Variants in DAB1 observed in about 807,000 individuals in gnomAD.
The protein encoded by DAB1 is disabled homolog 1.
A neutral mutation model predicts 64.6 loss-of-function variants in DAB1; 15 were observed. The ratio of observed to expected loss-of-function variants is 0.23; its 90% CI spans 0.16 to 0.36. The LOEUF (loss-of-function observed/expected upper bound fraction) is 0.36, where lower values mean the gene tolerates loss of function less well. Ranked by LOEUF, DAB1 falls within the 10% of genes least tolerant of loss-of-function variation. The pLI is 1.00. For synonymous variants in DAB1, 235 were observed against 251.9 expected, an observed-to-expected ratio of 0.93 and a Z score of 0.64; for missense variants, 596 against 706.7, an observed-to-expected ratio of 0.84 and a Z score of 1.78.
chr1:57,627,829 G>A (rs901850195), intron 7 of DAB1, among the ~76,000 whole-genome samples: 3 of 152,170 alleles, frequency 2.0e-5, no homozygotes, highest in African/African-American at 4.8e-5. Flanking sequence ...ATTACTGAGG[G>A]TGGGGTGGGC....
chr1:58,043,309 C>G (rs1236474564), intron 5 of DAB1, among the ~76,000 whole-genome samples: 1 of 152,160 alleles, frequency 6.6e-6, no homozygotes, highest in Admixed American at 6.5e-5. Context: ...AATATAATTT[C>G]ATATTAGAAA....
intron 7 of DAB1, among the ~76,000 whole-genome samples, chr1:57,437,035 CAAAA>C (rs66682648): frequency 2.8e-5 from 3 of 108,872 alleles, no homozygotes; most frequent in Non-Finnish European, 3.5e-5. Context: ...GACTCCGTCT[CAAAA>C]AAAAAAAAAA....
chr1:58,484,918 A>G (rs1645548446), intron 3 of DAB1, among the ~76,000 whole-genome samples: 1 of 152,110 alleles, frequency 6.6e-6, no homozygotes, highest in Admixed American at 6.6e-5. Context: ...AGGAATGAGT[A>G]GGCACAGAGT....
chr1:57,408,785 C>T (rs1296106316), intron 1 of DAB1, among the ~76,000 whole-genome samples: 3 of 152,168 alleles, frequency 2.0e-5, no homozygotes, highest in Non-Finnish European at 4.4e-5. Context: ...TATTTTCCCG[C>T]TCTATGAACA....
intron 5 of DAB1, among the ~76,000 whole-genome samples, chr1:58,105,019 A>T (rs1651549093): frequency 6.6e-6 from 1 of 152,328 alleles, no homozygotes; most frequent in South Asian, 2.1e-4. Context: ...GCTATGTCTG[A>T]AAAGTATGTT....
intron 11 of DAB1, among the ~76,000 whole-genome samples, chr1:57,020,872 A>G (rs1183109874): frequency 7.4e-6 from 1 of 135,606 alleles, no homozygotes; most frequent in Non-Finnish European, 1.5e-5. Context: ...CCAGGAGTCT[A>G]AAGCTTAGAA....
intron 1 of DAB1, among the ~76,000 whole-genome samples, chr1:57,399,644 T>A (rs987640767): frequency 1.3e-5 from 2 of 152,130 alleles, no homozygotes; most frequent in Non-Finnish European, 2.9e-5. Flanking sequence ...TCTTAGAACG[T>A]CAATGGTAAG....
In DAB1 at chr1:58,387,399, G is replaced by A. The variant is rs576044711; in HGVS notation, n.258-43996C>T. ...GATGTTTATATGTTCTTTTTCATGG[G>A]GGAAGGGGAATGGAGGGGTATAGGA... On this transcript the variant is annotated intron_variant and non_coding_transcript_variant, in intron 3 of 20. Coordinates refer to the DAB1 transcript ENST00000485760. 2.0e-5 allele frequency among the ~76,000 whole-genome samples: 3 copies of A among 152,314 alleles called. No homozygotes were observed. In the East Asian group the frequency reaches 5.8e-4, roughly 29 times the overall value.
chr1:57,273,522 ACTGC>A (rs1261991604), intron 2 of DAB1, among the ~76,000 whole-genome samples: 8,568 of 96,218 alleles, frequency 0.089, 713 homozygotes, highest in South Asian at 0.13. Flanking sequence ...ACCAAGCCTG[ACTGC>A]CTGCCTGCCT....
chr1:57,351,714 CA>C (rs1219557063), intron 1 of DAB1, among the ~76,000 whole-genome samples: 1 of 151,956 alleles, frequency 6.6e-6, no homozygotes, highest in African/African-American at 2.4e-5. Context: ...TTTTCCAGAG[CA>C]GGGTGGACCC....
chr1:58,129,851 T>A (rs1273277626), intron 5 of DAB1, among the ~76,000 whole-genome samples: 1 of 150,554 alleles, frequency 6.6e-6, no homozygotes, highest in Non-Finnish European at 1.5e-5. Context: ...TTCTTTTACA[T>A]TTGCTGAGGA....
At chr1:57,414,543 C>G (rs1427790003) in intron 1 of DAB1, among the ~76,000 whole-genome samples, 4 of 152,110 alleles carry the variant, frequency 2.6e-5, no homozygotes, top group Admixed American at 2.0e-4. Flanking sequence ...TTGTGTGACT[C>G]ACTTGATTGC....
chr1:58,269,031 T>C (rs1333958232), intron 4 of DAB1, among the ~76,000 whole-genome samples: 1 of 151,712 alleles, frequency 6.6e-6, no homozygotes, highest in Non-Finnish European at 1.5e-5. Context: ...TTTTTTATTA[T>C]ACTTTAAGTT....
At chr1:58,399,125 T>C (rs952739599) in intron 3 of DAB1, among the ~76,000 whole-genome samples, 14 of 152,248 alleles carry the variant, frequency 9.2e-5, no homozygotes, top group African/African-American at 2.9e-4. Flanking sequence ...AGTCCCATTT[T>C]ACAGATAAGT....
chr1:57,577,456 C>T (rs905539047), intron 7 of DAB1, among the ~76,000 whole-genome samples: 1 of 151,474 alleles, frequency 6.6e-6, no homozygotes, highest in African/African-American at 2.4e-5. Context: ...CAGTTGTTCA[C>T]AGCCTTTTAA....
chr1:58,454,175 C>T (rs1294590787), intron 3 of DAB1, among the ~76,000 whole-genome samples: 1 of 152,146 alleles, frequency 6.6e-6, no homozygotes, highest in Non-Finnish European at 1.5e-5. Context: ...AGAACGGGAT[C>T]AAATGGCCTA....
intron 3 of DAB1, among the ~76,000 whole-genome samples, chr1:58,450,755 A>AAAAAT (rs60658478): frequency 0.031 from 4,750 of 152,160 alleles, 254 homozygotes; most frequent in African/African-American, 0.11. Context: ...CTCCGTCTCA[A>AAAAAT]AAAATAAAAT....
At chr1:58,357,276 G>T (rs1407972265) in intron 3 of DAB1, among the ~76,000 whole-genome samples, 1 of 152,132 alleles carries the variant, frequency 6.6e-6, no homozygotes, top group East Asian at 1.9e-4. Context: ...AAAACTGATA[G>T]AGTCAGAGGA....
At chr1:57,157,962 C>T (rs77002307) in intron 2 of DAB1, among the ~76,000 whole-genome samples, 2,622 of 152,278 alleles carry the variant, frequency 0.017, 73 homozygotes, top group East Asian at 0.15. Context: ...TGCGAGGCCA[C>T]GCTGCTAAGG....
Sources: allele counts gnomAD v4.1 joint callset (sites outside exome capture counted in the v4.1 genomes callset), GRCh38; gene constraint gnomAD v4.1.1; transcripts MANE v1.5; gene names NCBI Gene and HGNC (gene_info 2026-07-23, HGNC 2026-07-21).